The following CARMIL1 variants were observed in gnomAD, a reference collection of about 807,000 sequenced individuals.
The protein encoded by CARMIL1 is capping protein regulator and myosin 1 linker 1.
Under a neutral mutation model 177.1 loss-of-function variants are expected in CARMIL1, and 90 were observed. That is an observed-to-expected ratio of 0.51 (90% confidence interval 0.43 to 0.61). The LOEUF is 0.61. Among genes scored for constraint, CARMIL1 ranks in the 20% least tolerant of loss-of-function variants. The pLI is 0.00. For synonymous variants in CARMIL1, 577 were observed against 606.2 expected (o/e 0.95, Z 0.71); for missense variants, 1,380 against 1,667.0 (o/e 0.83, Z 3.00).
intron 20 of CARMIL1, among the ~76,000 whole-genome samples, chr6:25,511,488 A>G (rs923330800): frequency 3.3e-5 from 5 of 152,186 alleles, no homozygotes; most frequent in Non-Finnish European, 7.3e-5. Flanking sequence ...TTTGGTCACC[A>G]GACTCAGCTT....
At chr6:25,304,054 C>T (rs1485032041) in intron 2 of CARMIL1, among the ~76,000 whole-genome samples, 1 of 152,238 alleles carries the variant, frequency 6.6e-6, no homozygotes, top group African/African-American at 2.4e-5. Flanking sequence ...ATCATTTACA[C>T]TTGTTGATTG....
In CARMIL1 at chr6:25,600,784, GATATATA is replaced by G. The variant is rs1173462928; in HGVS notation, c.3552+42_3552+48del. On this transcript the variant is annotated intron_variant, in intron 33 of 36. Transcript: ENST00000329474. ...CTATTTTTAATTCATTCATTTATTT[GATATATA>G]ATAGATGCACACATTTTCATGGTGC... is the stretch of plus-strand genomic sequence containing the variant. 5 of 1,424,476 alleles carry G rather than the reference GATATATA, an allele frequency of 3.5e-6. No homozygotes were observed. In the Admixed American group the frequency reaches 9.1e-5, roughly 26 times the overall value. The allele number at this position is 1,424,476 out of a possible 1,614,324, so 88.2% of individuals were successfully genotyped here.
intron 16 of CARMIL1, among the ~76,000 whole-genome samples, chr6:25,496,085 T>G (rs574658130): frequency 6.6e-6 from 1 of 152,324 alleles, no homozygotes; most frequent in South Asian, 2.1e-4. Flanking sequence ...CTTCATTTAA[T>G]TTATAAATTT....
chr6:25,505,004 G>A (rs1000643853), intron 17 of CARMIL1, among the ~76,000 whole-genome samples: 10 of 152,186 alleles, frequency 6.6e-5, no homozygotes, highest in Admixed American at 2.6e-4. Flanking sequence ...TTGAGATGGA[G>A]GAGCTTTATT....
chr6:25,386,420 C>G (rs956765815), intron 2 of CARMIL1, among the ~76,000 whole-genome samples: 1 of 151,922 alleles, frequency 6.6e-6, no homozygotes, highest in Non-Finnish European at 1.5e-5. Context: ...ACCTGGCTAA[C>G]TTTTTGTGTT....
At chr6:25,386,088 A>G (rs561692081) in intron 2 of CARMIL1, among the ~76,000 whole-genome samples, 2 of 152,358 alleles carry the variant, frequency 1.3e-5, no homozygotes, top group South Asian at 4.1e-4. Context: ...GAAGGGTAGG[A>G]TTAACCTTGG....
At chr6:25,334,484 A>G (rs1786013065) in intron 2 of CARMIL1, among the ~76,000 whole-genome samples, 1 of 152,154 alleles carries the variant, frequency 6.6e-6, no homozygotes, top group African/African-American at 2.4e-5. Context: ...AAATGGGGGA[A>G]TTTGCAGTTA....
intron 9 of CARMIL1, among the ~76,000 whole-genome samples, chr6:25,469,216 C>A (rs1187149028): frequency 2.0e-5 from 3 of 152,184 alleles, no homozygotes; most frequent in Non-Finnish European, 4.4e-5. Flanking sequence ...TGGAATCAAA[C>A]AGCAAATAAG....
At chr6:25,412,897 T>G (rs1215787643) in intron 2 of CARMIL1, among the ~76,000 whole-genome samples, 2 of 152,218 alleles carry the variant, frequency 1.3e-5, no homozygotes, top group African/African-American at 4.8e-5. Context: ...GAAGCTCTAA[T>G]TTTGAAAAGG....
intron 2 of CARMIL1, among the ~76,000 whole-genome samples, chr6:25,366,790 T>C (rs1789862959): frequency 6.6e-6 from 1 of 152,086 alleles, no homozygotes; most frequent in South Asian, 2.1e-4. Flanking sequence ...CATTTAAAAA[T>C]GGTTGTGTCA....
intron 2 of CARMIL1, among the ~76,000 whole-genome samples, chr6:25,293,503 A>T (rs953141650): frequency 5.3e-5 from 8 of 151,746 alleles, no homozygotes; most frequent in African/African-American, 1.9e-4. Flanking sequence ...CTCCTGTGTC[A>T]GCCTCTCGGG....
chr6:25,423,872 G>A (rs1291205044), intron 3 of CARMIL1, among the ~76,000 whole-genome samples: 2 of 152,154 alleles, frequency 1.3e-5, no homozygotes, highest in Non-Finnish European at 2.9e-5. Context: ...GCCTACATCT[G>A]CCTCAGCTTC....
chr6:25,352,871 A>G (rs1280408224), intron 2 of CARMIL1, among the ~76,000 whole-genome samples: 1 of 152,198 alleles, frequency 6.6e-6, no homozygotes, highest in Non-Finnish European at 1.5e-5. Flanking sequence ...AGCTAAAGTC[A>G]CTTAATAACT....
intron 16 of CARMIL1, 29 bp from the exon 17 acceptor site, chr6:25,500,137 T>C (rs1199034980): frequency 6.2e-7 from 1 of 1,600,404 alleles, no homozygotes; most frequent in Admixed American, 1.7e-5. Context: ...GTGGAATGTG[T>C]ATCTAATATG....
intron 17 of CARMIL1, among the ~76,000 whole-genome samples, chr6:25,502,035 A>C (rs1414979680): frequency 2.6e-5 from 4 of 151,768 alleles, no homozygotes. Flanking sequence ...AACTCTAAAA[A>C]ACTAACCTTG....
At chr6:25,499,838 A>G (rs774022595) in intron 16 of CARMIL1, among the ~76,000 whole-genome samples, 3 of 152,144 alleles carry the variant, frequency 2.0e-5, no homozygotes, top group African/African-American at 4.8e-5. Flanking sequence ...TGCAGTGGGA[A>G]TTTATCTGTG....
intron 2 of CARMIL1, among the ~76,000 whole-genome samples, chr6:25,305,373 T>A (rs904285855): frequency 1.3e-5 from 2 of 152,236 alleles, no homozygotes; most frequent in East Asian, 3.8e-4. Flanking sequence ...CAGTTAATAA[T>A]ACATGAAGAG....
chr6:25,586,241 G>A (rs1211393396), intron 31 of CARMIL1, among the ~76,000 whole-genome samples: 5 of 150,612 alleles, frequency 3.3e-5, no homozygotes, highest in East Asian at 4.0e-4. Flanking sequence ...TCTCAGACGG[G>A]GTGGCCGGGC....
At chr6:25,518,275 A>T (rs1397042255) in intron 22 of CARMIL1, among the ~76,000 whole-genome samples, 1 of 152,170 alleles carries the variant, frequency 6.6e-6, no homozygotes, top group African/African-American at 2.4e-5. Context: ...TCCTTCATTC[A>T]GTCTTCAGTT....
Sources: gnomAD v4.1 joint callset for allele counts (sites outside exome capture counted in the v4.1 genomes callset) on GRCh38, gnomAD v4.1.1 for gene constraint, MANE v1.5 for transcripts, NCBI Gene and HGNC (gene_info 2026-07-23, HGNC 2026-07-21) for gene names.